Variants in COBL observed in about 807,000 individuals in gnomAD.
COBL encodes cordon-bleu WH2 repeat protein, also known as protein cordon-bleu.
COBL carries 51 observed loss-of-function variants against 98.8 expected under a neutral mutation model. That is an observed-to-expected ratio of 0.52 (90% confidence interval 0.41 to 0.65). The LOEUF (loss-of-function observed/expected upper bound fraction) is 0.65, where lower values mean the gene tolerates loss of function less well. COBL is among the 30% of genes least tolerant of loss of function. The pLI, the probability that COBL is intolerant of heterozygous loss-of-function variation, is 0.00. For missense variants in COBL, 1,617 were observed against 1,617.5 expected, an observed-to-expected ratio of 1.00 and a Z score of 0.01; for synonymous variants, 634 against 651.7, an observed-to-expected ratio of 0.97 and a Z score of 0.41.
intron 1 of COBL, among the ~76,000 whole-genome samples, chr7:51,223,993 C>CTGTA (rs1251106937): frequency 3.3e-5 from 5 of 152,198 alleles, no homozygotes; most frequent in African/African-American, 1.2e-4. Context: ...TCCCCTAAGA[C>CTGTA]TGTAATACCT....
At chr7:51,274,704 A>G (rs1047726780) in intron 1 of COBL, among the ~76,000 whole-genome samples, 17 of 152,244 alleles carry the variant, frequency 1.1e-4, no homozygotes, top group African/African-American at 3.6e-4. Context: ...TTTTCATTCA[A>G]TAAATGACTT....
intron 7 of COBL, among the ~76,000 whole-genome samples, chr7:51,057,090 T>TTAGC (rs1177326021): frequency 4.6e-5 from 7 of 152,192 alleles, no homozygotes; most frequent in African/African-American, 1.7e-4. Context: ...TGTGAGTCAC[T>TTAGC]TAGCAGTGGT....
chr7:51,247,993 G>C (rs933789595), intron 1 of COBL, among the ~76,000 whole-genome samples: 1 of 151,994 alleles, frequency 6.6e-6, no homozygotes, highest in African/African-American at 2.4e-5. Context: ...ACAAAAGTTA[G>C]CTGGGCATGG....
intron 7 of COBL, among the ~76,000 whole-genome samples, chr7:51,075,977 T>G (rs1049311174): frequency 6.6e-6 from 1 of 152,224 alleles, no homozygotes; most frequent in African/African-American, 2.4e-5. Flanking sequence ...TTCCATTTTA[T>G]GAAAAGGCCC....
chr7:51,129,072 A>C (rs1354889934), intron 6 of COBL, among the ~76,000 whole-genome samples: 1 of 152,248 alleles, frequency 6.6e-6, no homozygotes, highest in African/African-American at 2.4e-5. Flanking sequence ...CACATCCTTG[A>C]GGAAAGCAAT....
chr7:51,029,253 A>G lies in COBL; in HGVS notation c.1843T>C (p.Leu615=). Reference sequence around the variant, plus strand: ...TTCCCATCTTTAGAGATGTTAGATAAGGCCACACGGATTCCTTTTCCGACG... The same window carrying G: ...TTCCCATCTTTAGAGATGTTAGATAGGGCCACACGGATTCCTTTTCCGACG... ...HDVGKGIRVA[L]SNISKDGNLM... The change falls in exon 10 of 13, where the codon TTA becomes CTA. Residue 615 remains leucine, a synonymous_variant. Coordinates refer to ENST00000265136, the MANE Select transcript of COBL (RefSeq NM_015198.5). 2 of 1,612,246 alleles carry G rather than the reference A, an allele frequency of 1.2e-6. No homozygotes were observed. The highest frequency in any genetic ancestry group is 1.7e-6 in the Non-Finnish European group (2 of 1,178,970).
At chr7:51,288,295 A>G (rs1197802732) in intron 1 of COBL, among the ~76,000 whole-genome samples, 1 of 151,388 alleles carries the variant, frequency 6.6e-6, no homozygotes, top group Admixed American at 6.6e-5. Context: ...TTAGCCAGGC[A>G]TGGTGGCAGG....
At chr7:51,292,049 G>A (rs889887105) in intron 1 of COBL, among the ~76,000 whole-genome samples, 1 of 151,326 alleles carries the variant, frequency 6.6e-6, no homozygotes, top group South Asian at 2.1e-4. Flanking sequence ...TTGGGAGGCT[G>A]AGCAGGAGAA....
intron 7 of COBL, chr7:51,082,986 C>T (rs1037418813): frequency 7.7e-5 from 110 of 1,435,622 alleles, no homozygotes; most frequent in Admixed American, 1.8e-4. Flanking sequence ...AATCTGGAAA[C>T]CCAGCCCTGA....
At chr7:51,230,079 C>G (rs543095890) in intron 1 of COBL, among the ~76,000 whole-genome samples, 4 of 152,150 alleles carry the variant, frequency 2.6e-5, no homozygotes, top group Non-Finnish European at 5.9e-5. Flanking sequence ...CTCGCTCCCC[C>G]AGCAGGGAAG....
intron 12 of COBL, chr7:51,021,126 C>T (rs1464917160): frequency 6.6e-6 from 1 of 152,158 alleles, no homozygotes; most frequent in Non-Finnish European, 1.5e-5. Context: ...GCCAAGGACA[C>T]CCCTCCATTG....
chr7:51,261,597 A>G (rs1188002742), intron 1 of COBL, among the ~76,000 whole-genome samples: 1 of 152,152 alleles, frequency 6.6e-6, no homozygotes, highest in Admixed American at 6.5e-5. Context: ...GAGGAATCTG[A>G]GGTGATGCCT....
chr7:51,309,663 CAT>C (rs1183901435), intron 1 of COBL, among the ~76,000 whole-genome samples: 1 of 152,192 alleles, frequency 6.6e-6, no homozygotes, highest in Non-Finnish European at 1.5e-5. Flanking sequence ...AACACTGAAT[CAT>C]ATGATTTTAG....
chr7:51,274,288 C>T (rs1447568445), intron 1 of COBL, among the ~76,000 whole-genome samples: 3 of 152,202 alleles, frequency 2.0e-5, no homozygotes, highest in African/African-American at 4.8e-5. Flanking sequence ...CCTCACTGCT[C>T]GCAGGAGAAG....
At chr7:51,259,868 A>AGAG (rs1278931343) in intron 1 of COBL, 65 of 756,774 alleles carry the variant, frequency 8.6e-5, no homozygotes, top group African/African-American at 8.3e-4. Context: ...CTGCACCAGT[A>AGAG]AACTCATGTC....
At chr7:51,140,777 A>G (rs1394684248) in intron 5 of COBL, among the ~76,000 whole-genome samples, 1 of 152,204 alleles carries the variant, frequency 6.6e-6, no homozygotes, top group Non-Finnish European at 1.5e-5. Context: ...TGTTCCTGGA[A>G]TACTTTCAGG....
chr7:51,036,445 T>G (rs1349942128), intron 8 of COBL, among the ~76,000 whole-genome samples: 2 of 151,630 alleles, frequency 1.3e-5, no homozygotes, highest in African/African-American at 2.4e-5. Context: ...CAATGAAGTT[T>G]CAAGGTTCTA....
chr7:51,028,158 G>C lies in COBL; in HGVS notation c.2938C>G (p.Gln980Glu). Residue 980 changes from glutamine to glutamate, a missense_variant, in exon 10 of 13, where the codon CAG (glutamine) becomes GAG (glutamate). Physicochemically the swap from Gln to Glu is conservative, Grantham distance 29. Coordinates refer to ENST00000265136, the MANE Select transcript of COBL (RefSeq NM_015198.5). Reference sequence around the variant, plus strand: ...GAAACACGATCCCTCTGGGAAGACTGAACCAGTGAGAAACAGGAGCTTCTG... The same window carrying C: ...GAAACACGATCCCTCTGGGAAGACTCAACCAGTGAGAAACAGGAGCTTCTG... ...IHRSSCFSLV[Q>E]SSQRDRVSVG... The C allele has an allele frequency of 6.2e-7, 1 of 1,614,254 alleles. No homozygotes were observed. Among genetic ancestry groups the C allele is most frequent in the Non-Finnish European group, 8.5e-7 (1 of 1,180,044 alleles).
chr7:51,130,871 C>T (rs1425123568), intron 6 of COBL, among the ~76,000 whole-genome samples: 2 of 152,196 alleles, frequency 1.3e-5, no homozygotes, highest in South Asian at 2.1e-4. Flanking sequence ...ATACACAGAT[C>T]GTCCTCAGTC....
Sources: allele counts gnomAD v4.1 joint callset (sites outside exome capture counted in the v4.1 genomes callset), GRCh38; gene constraint gnomAD v4.1.1; transcripts MANE v1.5; gene names NCBI Gene and HGNC (gene_info 2026-07-23, HGNC 2026-07-21).